The following CNTN5 variants were observed in gnomAD, a reference collection of about 807,000 sequenced individuals.
CNTN5 encodes the protein contactin 5.
In CNTN5, 77 loss-of-function variants were observed where a neutral mutation model predicts 129.1. The observed-to-expected ratio is 0.60, with a 90% CI of 0.50 to 0.72. The LOEUF (loss-of-function observed/expected upper bound fraction) is 0.72. CNTN5 is among the 30% of genes least tolerant of loss of function. The pLI, the probability that CNTN5 is intolerant of heterozygous loss-of-function variation, is 0.00. For synonymous variants in CNTN5, 509 were observed against 465.6 expected, an observed-to-expected ratio of 1.09 and a Z score of -1.20; for missense variants, 1,478 against 1,328.8, an observed-to-expected ratio of 1.11 and a Z score of -1.75.
intron 6 of CNTN5, among the ~76,000 whole-genome samples, chr11:99,899,720 G>T (rs1212874694): frequency 5.3e-5 from 8 of 151,892 alleles, no homozygotes; most frequent in African/African-American, 1.5e-4. Flanking sequence ...CCTGATTTTG[G>T]TATCATGGTG....
intron 2 of CNTN5, among the ~76,000 whole-genome samples, chr11:99,442,273 G>A (rs11219929): frequency 1.3e-5 from 2 of 152,044 alleles, no homozygotes; most frequent in Non-Finnish European, 2.9e-5. Flanking sequence ...GGGTTCTAGC[G>A]ATTCTCCCTC....
chr11:99,926,822 T>C (rs1013802556), intron 7 of CNTN5, among the ~76,000 whole-genome samples: 1 of 152,114 alleles, frequency 6.6e-6, no homozygotes, highest in African/African-American at 2.4e-5. Flanking sequence ...TTTTGATAAT[T>C]TTGCTTTATT....
intron 15 of CNTN5, among the ~76,000 whole-genome samples, chr11:100,218,841 C>T (rs992760977): frequency 1.3e-5 from 2 of 152,042 alleles, no homozygotes; most frequent in Admixed American, 6.6e-5. Flanking sequence ...GAACGTGGAC[C>T]ATCTTGTAGG....
chr11:100,318,226 G>A (rs1951607940), intron 21 of CNTN5, among the ~76,000 whole-genome samples: 2 of 135,166 alleles, frequency 1.5e-5, no homozygotes, highest in East Asian at 2.4e-4. Context: ...GGGCAATAGA[G>A]CGAGACTCTG....
At chr11:100,326,805 G>C (rs959835289) in intron 21 of CNTN5, among the ~76,000 whole-genome samples, 1 of 152,184 alleles carries the variant, frequency 6.6e-6, no homozygotes, top group Non-Finnish European at 1.5e-5. Context: ...GGCCAAGGAG[G>C]CTTCTTGGTT....
At chr11:99,065,087 A>G (rs1391749922) in intron 1 of CNTN5, among the ~76,000 whole-genome samples, 2 of 152,092 alleles carry the variant, frequency 1.3e-5, no homozygotes, top group Admixed American at 1.3e-4. Flanking sequence ...ATTAGCACTG[A>G]TTTTCATAAA....
intron 20 of CNTN5, among the ~76,000 whole-genome samples, chr11:100,302,998 GAA>G (rs1951262776): frequency 1.3e-5 from 2 of 151,530 alleles, no homozygotes. Context: ...AGTACTGTCA[GAA>G]AAAGTTTCAA....
At position 100,070,457 on chromosome 11, in the gene CNTN5, C is replaced by G. The variant is rs751537534; in HGVS notation, c.1196C>G (p.Thr399Ser). ...YPHWVEKLND[T>S]QLDSGSPLRW... ...CACTGGGTAGAAAAACTGAATGATACTCAGTTAGACAGTGGGAGCCCTCTC... is the reference window on the plus strand; with the variant it reads ...CACTGGGTAGAAAAACTGAATGATAGTCAGTTAGACAGTGGGAGCCCTCTC... The change falls in exon 11 of 25, where the codon ACT (threonine) becomes AGT (serine). Residue 399 changes from threonine to serine, a missense_variant. By Grantham distance (58) the Thr-to-Ser change is moderately conservative. Coordinates refer to ENST00000524871, the MANE Select transcript of CNTN5 (RefSeq NM_014361.4). The G allele has an allele frequency of 1.9e-6, 3 of 1,611,652 alleles. No homozygotes were observed. Among genetic ancestry groups the G allele is most frequent in the African/African-American group, 1.3e-5 (1 of 74,956 alleles).
At chr11:99,173,093 G>C (rs939739045) in intron 1 of CNTN5, among the ~76,000 whole-genome samples, 2 of 152,152 alleles carry the variant, frequency 1.3e-5, no homozygotes, top group African/African-American at 4.8e-5. Context: ...CCCACTCACT[G>C]TCATGAGAAC....
intron 6 of CNTN5, among the ~76,000 whole-genome samples, chr11:99,856,161 TTC>T (rs1948027762): frequency 6.6e-6 from 1 of 152,164 alleles, no homozygotes; most frequent in Non-Finnish European, 1.5e-5. Context: ...TTCTGCAGTG[TTC>T]TGTTTTGTTT....
chr11:100,215,538 G>A (rs1252139453), intron 15 of CNTN5, among the ~76,000 whole-genome samples: 1 of 152,116 alleles, frequency 6.6e-6, no homozygotes, highest in African/African-American at 2.4e-5. Context: ...GATTCATTAT[G>A]CAATAGTGTC....
chr11:99,829,073 CA>C (rs1005989799), intron 4 of CNTN5, among the ~76,000 whole-genome samples: 3 of 151,544 alleles, frequency 2.0e-5, no homozygotes, highest in Non-Finnish European at 4.4e-5. Flanking sequence ...GTGTGATTTA[CA>C]AAAAAAATAA....
Position 99,962,731 on chromosome 11 carries a change from A to C in CNTN5, c.877+5722A>C, listed in dbSNP as rs981180286. 2.0e-5 allele frequency among the ~76,000 whole-genome samples: 3 copies of C among 151,588 alleles called. No individual in the cohort carries two copies. In the East Asian group the frequency reaches 5.8e-4, roughly 29 times the overall value. ...AGTTCTAGATCCCTGAGGAATCGCCACACTGACTTCCACAATGGTTGAAGT... is the reference window on the plus strand; with the variant it reads ...AGTTCTAGATCCCTGAGGAATCGCCCCACTGACTTCCACAATGGTTGAAGT... On this transcript the variant is annotated intron_variant, in intron 8 of 24. Transcript: ENST00000524871.
intron 2 of CNTN5, among the ~76,000 whole-genome samples, chr11:99,400,099 C>T (rs11219766): frequency 0.033 from 5,079 of 152,004 alleles, 285 homozygotes; most frequent in African/African-American, 0.12. Context: ...AAATACTAGG[C>T]CTTATACATT....
intron 23 of CNTN5, among the ~76,000 whole-genome samples, chr11:100,348,155 C>T (rs1474591888): frequency 6.6e-6 from 1 of 151,102 alleles, no homozygotes; most frequent in Admixed American, 6.6e-5. Context: ...TATAAATGTC[C>T]ATATTCTCTA....
At chr11:100,337,292 A>G in intron 21 of CNTN5, 1 of 1,136,900 alleles carries the variant, frequency 8.8e-7, no homozygotes, top group Non-Finnish European at 1.3e-6. Flanking sequence ...TTTATAAATC[A>G]TGCTCCTGGA....
chr11:99,642,190 A>G (rs190577441), intron 3 of CNTN5, among the ~76,000 whole-genome samples: 3 of 152,220 alleles, frequency 2.0e-5, no homozygotes, highest in Admixed American at 6.5e-5. Flanking sequence ...GTTATGTAAT[A>G]GGAGAAAATG....
chr11:99,896,586 A>G (rs1949213174), intron 6 of CNTN5, among the ~76,000 whole-genome samples: 1 of 152,076 alleles, frequency 6.6e-6, no homozygotes, highest in Non-Finnish European at 1.5e-5. Flanking sequence ...CCTGATCCCT[A>G]CAATCATGGG....
intron 18 of CNTN5, among the ~76,000 whole-genome samples, chr11:100,281,895 T>C (rs971920791): frequency 3.3e-5 from 5 of 152,196 alleles, no homozygotes; most frequent in African/African-American, 1.2e-4. Flanking sequence ...ACTGTGTCAG[T>C]TGCATTTTTC....
Sources: gnomAD v4.1 joint callset for allele counts (sites outside exome capture counted in the v4.1 genomes callset) on GRCh38, gnomAD v4.1.1 for gene constraint, MANE v1.5 for transcripts, NCBI Gene and HGNC (gene_info 2026-07-23, HGNC 2026-07-21) for gene names.